The following EVI5L variants were observed in gnomAD, a reference collection of about 807,000 sequenced individuals.
EVI5L encodes the protein EVI5-like protein.
In EVI5L, 30 loss-of-function variants were observed where a neutral mutation model predicts 106.1. That is an observed-to-expected ratio of 0.28 (90% CI 0.21 to 0.38). EVI5L has a LOEUF of 0.38. Ranked by LOEUF, EVI5L falls within the 10% of genes least tolerant of loss-of-function variation. The pLI, the probability that EVI5L is intolerant of heterozygous loss-of-function variation, is 1.00. For synonymous variants in EVI5L, 489 were observed against 483.3 expected (o/e 1.01, Z -0.15); for missense variants, 809 against 1,098.0 (o/e 0.74, Z 3.72).
In EVI5L at chr19:7,862,483, G is replaced by A. The variant is rs905760680; in HGVS notation, c.1896G>A (p.Leu632=). 2 of 1,589,146 alleles carry A rather than the reference G, an allele frequency of 1.3e-6. No homozygotes were observed. The highest frequency in any genetic ancestry group is 1.8e-5 in the Admixed American group (1 of 56,120). Residue 632 remains leucine, a synonymous_variant, in exon 17 of 20, where the codon CTG becomes CTA. Transcript: ENST00000538904. ...ACCTGGCTGCACAGAACAAGGGGCT[G>A]CAGACGCAGCTCAGCGAAAGCCGCC... ...LQYLAAQNKG[L]QTQLSESRRK...
chr19:7,843,069 ATGTG>A (rs1297657910), intron 1 of EVI5L, among the ~76,000 whole-genome samples: 1 of 144,252 alleles, frequency 6.9e-6, no homozygotes, highest in Non-Finnish European at 1.5e-5. Flanking sequence ...GAGTATGTGC[ATGTG>A]TGTGTATAGG....
rs2041992829 is a variant in EVI5L at position 7,858,133 on chromosome 19, C to T, written c.1234-58C>T. 3 of 1,528,934 alleles carry T rather than the reference C, an allele frequency of 2.0e-6. No individual in the cohort carries two copies. Among genetic ancestry groups the T allele is most frequent in the Non-Finnish European group, 2.6e-6 (3 of 1,135,584 alleles). The allele number at this position is 1,528,934 out of a possible 1,614,324, so 94.7% of individuals were successfully genotyped here. A position where few individuals can be genotyped will look rare whatever the true frequency, so the allele number is the denominator to read the frequency against. ...CTCCCCCTGTGGCGGGAGGCAGGGCCTTGGGTGGGAGCCGAGGGTCACGGC... is the reference window on the plus strand; with the variant it reads ...CTCCCCCTGTGGCGGGAGGCAGGGCTTTGGGTGGGAGCCGAGGGTCACGGC... On this transcript the variant is annotated intron_variant, in intron 12 of 19. Transcript: ENST00000538904. The surrounding 1 kb of genome is among the most constrained non-coding windows in gnomAD (Gnocchi z 5.7).
In EVI5L at chr19:7,863,431, T is replaced by C; in HGVS notation, c.2147T>C (p.Leu716Pro). 1 of 1,543,430 alleles carries C rather than the reference T, an allele frequency of 6.5e-7. No individual in the cohort carries two copies. The highest frequency in any genetic ancestry group is 8.7e-7 in the Non-Finnish European group (1 of 1,144,706). The change falls in exon 20 of 20, where the codon CTG (leucine) becomes CCG (proline). Residue 716 changes from leucine (L) to proline (P), a missense_variant. Leu to Pro is a moderately conservative substitution (Grantham distance 98, BLOSUM62 -3). Transcript: ENST00000538904. The surrounding 1 kb of genome is among the most constrained non-coding windows in gnomAD (Gnocchi z 7.7). Reference sequence around the variant, plus strand: ...GCCGGTCCCCCGCCCCAGGTGCGGCTGCTGAAGGGCCCGCCGCCCTTCGAG... The same window carrying C: ...GCCGGTCCCCCGCCCCAGGTGCGGCCGCTGAAGGGCCCGCCGCCCTTCGAG... ...QIEELKAEVR[L>P]LKGPPPFEDP...
Position 7,862,954 on chromosome 19 carries a change from C to T in EVI5L, c.1948-18C>T. On this transcript the variant is annotated intron_variant, in intron 17 of 19. Coordinates refer to ENST00000538904, the MANE Select transcript of EVI5L (RefSeq NM_001159944.3). ...CCCCCTGACCCGCCCTCCTTTCCCC[C>T]CAATCCCCCGACCCCAGAGCAAGGA... The T allele has an allele frequency of 6.5e-7, 1 of 1,530,158 alleles. No homozygotes were observed. The highest frequency in any genetic ancestry group is 8.7e-7 in the Non-Finnish European group (1 of 1,145,048). 94.8% of individuals were successfully genotyped at this position (1,530,158 alleles called of 1,614,324 possible). A position where few individuals can be genotyped will look rare whatever the true frequency, so the allele number is the denominator to read the frequency against.
At chr19:7,854,025 T>C (rs1349962179) in intron 10 of EVI5L, among the ~76,000 whole-genome samples, 1 of 152,168 alleles carries the variant, frequency 6.6e-6, no homozygotes, top group Non-Finnish European at 1.5e-5. Context: ...CTCATGCATG[T>C]AATCCCAGCA....
chr19:7,862,555 G>A, intron 17 of EVI5L, 21 bp downstream of exon 17: 4 of 1,404,358 alleles, frequency 2.8e-6, no homozygotes, highest in Non-Finnish European at 3.7e-6. Context: ...CCGCGGCCCC[G>A]CCCTGCCCGT....
chr19:7,846,429 G>C lies in EVI5L; in HGVS notation c.-47-67G>C, dbSNP rs536593042. 5.0e-6 allele frequency: 7 copies of C among 1,403,538 alleles called. No homozygotes were observed. In the African/African-American group the frequency reaches 1.0e-4, roughly 20 times the overall value. The allele number at this position is 1,403,538 out of a possible 1,614,324, so 86.9% of individuals were successfully genotyped here. On this transcript the variant is annotated intron_variant, in intron 1 of 19. Transcript: ENST00000538904. The stretch of plus-strand genomic sequence containing the variant: ...GAAGCCCAGGGTGAGGAAATGTCCC[G>C]AGGGTGGGCAGGCAGGATGGAGTGG...
intron 1 of EVI5L, among the ~76,000 whole-genome samples, chr19:7,838,089 TGG>T (rs796212977): frequency 0.56 from 84,504 of 150,400 alleles, 23,957 homozygotes; most frequent in South Asian, 0.77. Flanking sequence ...ATTTTTTTTT[TGG>T]TTGGTTTTTT....
intron 1 of EVI5L, among the ~76,000 whole-genome samples, chr19:7,836,131 G>T (rs778370971): frequency 6.6e-6 from 1 of 152,152 alleles, no homozygotes; most frequent in African/African-American, 2.4e-5. Flanking sequence ...CAGCTACTCG[G>T]GAGGCTGAGG....
chr19:7,849,863 AGT>A, intron 5 of EVI5L, 132 bp from the exon 6 acceptor site: 1 of 699,036 alleles, frequency 1.4e-6, no homozygotes, highest in East Asian at 2.7e-5. Flanking sequence ...AGGGACCAAC[AGT>A]GTGTCATGAG....
rs944666168 is a variant in EVI5L at position 7,845,404 on chromosome 19, C to G, written c.-47-1092C>G. 1.3e-5 allele frequency among the ~76,000 whole-genome samples: 2 copies of G among 152,156 alleles called. No homozygotes were observed. The highest frequency in any genetic ancestry group is 4.1e-4 in the South Asian group (2 of 4,826). On this transcript the variant is annotated intron_variant, in intron 1 of 19. Coordinates refer to ENST00000538904, the MANE Select transcript of EVI5L (RefSeq NM_001159944.3). This position sits in a 1 kb window ranked among gnomAD's most constrained non-coding sequence, Gnocchi z 4.0. Reference sequence around the variant, plus strand: ...GCTAGGGGTCCCCTGGCCATCAGTCCCCACACAGGCCACAGCAGAACCCAG... The same window carrying G: ...GCTAGGGGTCCCCTGGCCATCAGTCGCCACACAGGCCACAGCAGAACCCAG...
At position 7,858,544 on chromosome 19, in the gene EVI5L, A is replaced by C; in HGVS notation, c.1374+213A>C. 1.5e-6 allele frequency: 1 copy of C among 647,674 alleles called. No individual in the cohort carries two copies. The highest frequency in any genetic ancestry group is 2.6e-6 in the Non-Finnish European group (1 of 386,546). The allele number at this position is 647,674 out of a possible 1,614,324, so 40.1% of individuals were successfully genotyped here. ...CCTGATATCCATTTCTTGCCACCTC[A>C]TAGTGTGTCTGCAGTATCTGACTTC... On this transcript the variant is annotated intron_variant, in intron 13 of 19. Transcript: ENST00000538904. The surrounding 1 kb of genome is among the most constrained non-coding windows in gnomAD (Gnocchi z 5.7).
At position 7,835,374 on chromosome 19, in the gene EVI5L, G is replaced by T. The variant is rs976870233; in HGVS notation, c.-48+4993G>T. ...AATACAAAAATTAGCGAGGTATAATGGCGGGCATCTGTAATCCCAGCTACT... is the reference window on the plus strand; with the variant it reads ...AATACAAAAATTAGCGAGGTATAATTGCGGGCATCTGTAATCCCAGCTACT... On this transcript the variant is annotated intron_variant, in intron 1 of 19. Transcript: ENST00000538904. The surrounding 1 kb of genome is among the most constrained non-coding windows in gnomAD (Gnocchi z 4.1). 4.6e-5 allele frequency among the ~76,000 whole-genome samples: 7 copies of T among 152,026 alleles called. 1 individual carries two copies. The South Asian group carries it at 1.5e-3, about 32-fold the overall frequency.
chr19:7,863,217 C>T lies in EVI5L; in HGVS notation c.2076C>T (p.Asn692=), dbSNP rs754509226. The T allele has an allele frequency of 3.8e-5, 59 of 1,561,850 alleles. No homozygotes were observed. The highest frequency in any genetic ancestry group is 4.7e-5 in the Non-Finnish European group (54 of 1,153,388). The change falls in exon 19 of 20, where the codon AAC becomes AAT. Residue 692 remains asparagine (N), a synonymous_variant. Transcript: ENST00000538904. The surrounding 1 kb of genome is among the most constrained non-coding windows in gnomAD (Gnocchi z 7.7). The part of the protein sequence containing the change: ...REEGRIQGQL[N]HSDSSQYIRE... Reference sequence around the variant, plus strand: ...AAGGCCGCATCCAGGGCCAGCTGAACCACTCGGACTCATCGCAGTACATCC... The same window carrying T: ...AAGGCCGCATCCAGGGCCAGCTGAATCACTCGGACTCATCGCAGTACATCC...
At position 7,856,898 on chromosome 19, in the gene EVI5L, G is replaced by C; in HGVS notation, c.1201-194G>C. ...TCACACCGAACCCCTCTCCAGGACG[G>C]AGCTGGCTCTAGCTTTGGTCTTCCT... On this transcript the variant is annotated intron_variant, in intron 11 of 19. Transcript: ENST00000538904. This position sits in a 1 kb window ranked among gnomAD's most constrained non-coding sequence, Gnocchi z 6.6. The C allele has an allele frequency of 1.4e-6, 1 of 715,698 alleles. No homozygotes were observed. The highest frequency in any genetic ancestry group is 2.5e-6 in the Non-Finnish European group (1 of 397,270). The allele number at this position is 715,698 out of a possible 1,614,324, so 44.3% of individuals were successfully genotyped here. A position where few individuals can be genotyped will look rare whatever the true frequency, so the allele number is the denominator to read the frequency against.
In EVI5L at chr19:7,835,790, G is replaced by A. The variant is rs557520373; in HGVS notation, c.-48+5409G>A. ...CCTTGCCAAGGACGAGAGGACCTAA[G>A]GTGCTAGGTTGGGCCATTTCCCCAG... is the stretch of plus-strand genomic sequence containing the variant. On this transcript the variant is annotated intron_variant, in intron 1 of 19. Coordinates refer to ENST00000538904, the MANE Select transcript of EVI5L (RefSeq NM_001159944.3). The surrounding 1 kb of genome is among the most constrained non-coding windows in gnomAD (Gnocchi z 4.1). 7.0e-4 allele frequency among the ~76,000 whole-genome samples: 107 copies of A among 152,358 alleles called. No homozygotes were observed. Among genetic ancestry groups the A allele is most frequent in the Middle Eastern group, 6.8e-3 (2 of 294 alleles).
chr19:7,837,667 C>CT (rs1351620738), intron 1 of EVI5L, among the ~76,000 whole-genome samples: 1 of 152,008 alleles, frequency 6.6e-6, no homozygotes, highest in Non-Finnish European at 1.5e-5. Context: ...TTTTCGTGAC[C>CT]TTGACGTTTT....
intron 5 of EVI5L, among the ~76,000 whole-genome samples, 194 bp from the exon 6 acceptor site, chr19:7,849,803 G>A (rs1304571904): frequency 6.6e-6 from 1 of 152,190 alleles, no homozygotes; most frequent in African/African-American, 2.4e-5. Context: ...GCCCTTGGCA[G>A]GTGACCTCAG....
chr19:7,853,245 G>A, intron 9 of EVI5L, 28 bp from the exon 10 acceptor site: 6 of 1,613,914 alleles, frequency 3.7e-6, no homozygotes, highest in Non-Finnish European at 5.1e-6. Context: ...GGGCATGACA[G>A]TAACCACGGG....
Sources: gnomAD v4.1 joint callset for allele counts (sites outside exome capture counted in the v4.1 genomes callset) on GRCh38, gnomAD v4.1.1 for gene constraint, Gnocchi (gnomAD v3.1) non-coding constraint, MANE v1.5 for transcripts, NCBI Gene and HGNC (gene_info 2026-07-23, HGNC 2026-07-21) for gene names.